Variants in ITPR2 observed in about 807,000 individuals in gnomAD.
The protein encoded by ITPR2 is inositol 1,4,5-trisphosphate receptor type 2.
In ITPR2, 207 loss-of-function variants were observed where a neutral mutation model predicts 317.1. The observed-to-expected ratio is 0.65, with a 90% CI of 0.58 to 0.73. ITPR2 has a LOEUF of 0.73. Among genes scored for constraint, ITPR2 ranks in the 30% least tolerant of loss-of-function variants. ITPR2 has a pLI of 0.00. For missense variants in ITPR2, 2,613 were observed against 3,284.0 expected (o/e 0.80, Z 4.99); for synonymous variants, 1,156 against 1,149.1 (o/e 1.01, Z -0.12).
At chr12:26,771,014 C>T (rs1949830409) in intron 2 of ITPR2, among the ~76,000 whole-genome samples, 1 of 152,144 alleles carries the variant, frequency 6.6e-6, no homozygotes, top group Non-Finnish European at 1.5e-5. Flanking sequence ...ATGTGGTCTT[C>T]TGTGTGCGCC....
intron 45 of ITPR2, among the ~76,000 whole-genome samples, chr12:26,449,353 G>A (rs184391474): frequency 3.9e-5 from 6 of 152,202 alleles, no homozygotes; most frequent in African/African-American, 1.4e-4. Flanking sequence ...AAGGCTTTAC[G>A]TATTCTAATG....
At chr12:26,450,792 C>T (rs1228691527) in intron 45 of ITPR2, among the ~76,000 whole-genome samples, 1 of 152,026 alleles carries the variant, frequency 6.6e-6, no homozygotes, top group Non-Finnish European at 1.5e-5. Context: ...GCACTCTTTT[C>T]TCAAAGAGGA....
chr12:26,594,159 A>G (rs1007191745), intron 32 of ITPR2, among the ~76,000 whole-genome samples: 6 of 152,200 alleles, frequency 3.9e-5, no homozygotes, highest in Admixed American at 2.0e-4. Context: ...CGATTTCTCT[A>G]CAGGTGCATA....
intron 55 of ITPR2, among the ~76,000 whole-genome samples, chr12:26,342,957 T>C (rs916342869): frequency 6.6e-6 from 1 of 152,036 alleles, no homozygotes; most frequent in African/African-American, 2.4e-5. Flanking sequence ...AGTGGATTAG[T>C]TCCCATGAGA....
chr12:26,588,576 G>A (rs984148133), intron 32 of ITPR2, among the ~76,000 whole-genome samples: 2 of 152,094 alleles, frequency 1.3e-5, no homozygotes, highest in African/African-American at 4.8e-5. Context: ...AGGAAAGTGT[G>A]TTTCAATGTG....
chr12:26,536,973 T>C (rs1331629282), intron 37 of ITPR2, among the ~76,000 whole-genome samples: 1 of 152,008 alleles, frequency 6.6e-6, no homozygotes. Flanking sequence ...CCCTGGAGGA[T>C]GAAGGAGAAA....
intron 10 of ITPR2, among the ~76,000 whole-genome samples, chr12:26,688,039 C>T (rs1474689190): frequency 6.6e-6 from 1 of 152,096 alleles, no homozygotes; most frequent in Non-Finnish European, 1.5e-5. Flanking sequence ...AATAATACTT[C>T]TGAATTTTTT....
chr12:26,711,157 T>A lies in ITPR2; in HGVS notation c.951+16A>T. 1 of 1,565,164 alleles carries A rather than the reference T, an allele frequency of 6.4e-7. No homozygotes were observed. Among genetic ancestry groups the A allele is most frequent in the Non-Finnish European group, 8.8e-7 (1 of 1,135,502 alleles). On this transcript the variant is annotated intron_variant, in intron 9 of 56. Coordinates refer to ENST00000381340, the MANE Select transcript of ITPR2 (RefSeq NM_002223.4). ...CAGAGTCAGAAACTTAATACCACTT[T>A]ATCCATTAGTCTTACCTCTGCAGCT...
chr12:26,546,183 T>C (rs933384682), intron 37 of ITPR2, among the ~76,000 whole-genome samples: 2 of 152,238 alleles, frequency 1.3e-5, no homozygotes, highest in African/African-American at 4.8e-5. Flanking sequence ...GTTACATGTA[T>C]ATAAATGTGT....
Position 26,695,581 on chromosome 12 carries a change from T to C in ITPR2, c.996+25A>G, listed in dbSNP as rs761352255. On this transcript the variant is annotated intron_variant, in intron 10 of 56. Transcript: ENST00000381340. The stretch of plus-strand genomic sequence containing the variant: ...AATAATAACAATATGCTGAGATTTG[T>C]TGGAGAAAAGCCAGTTCTACTCACC... 1.7e-5 allele frequency: 27 copies of C among 1,588,576 alleles called. No individual in the cohort carries two copies. In the South Asian group the frequency reaches 2.4e-4, roughly 14 times the overall value.
At chr12:26,415,877 A>G (rs1300882185) in intron 50 of ITPR2, among the ~76,000 whole-genome samples, 1 of 152,192 alleles carries the variant, frequency 6.6e-6, no homozygotes, top group Non-Finnish European at 1.5e-5. Flanking sequence ...GATATTCTGC[A>G]GTTACTTCTG....
chr12:26,748,741 C>T (rs1343698800), intron 2 of ITPR2, among the ~76,000 whole-genome samples: 1 of 152,108 alleles, frequency 6.6e-6, no homozygotes, highest in African/African-American at 2.4e-5. Context: ...TTCTAAAATA[C>T]CATTTCCTTC....
intron 55 of ITPR2, chr12:26,373,702 T>C (rs1475579901): frequency 6.6e-6 from 1 of 152,168 alleles, no homozygotes; most frequent in Admixed American, 6.5e-5. Context: ...TCAGAGGAGA[T>C]CGGTTGCATT....
At chr12:26,414,050 T>TATACACACACACAC (rs1555121665) in intron 51 of ITPR2, among the ~76,000 whole-genome samples, 3 of 138,208 alleles carry the variant, frequency 2.2e-5, no homozygotes, top group African/African-American at 8.4e-5. Context: ...TGTATATATG[T>TATACACACACACAC]ACACACACAC....
At chr12:26,438,369 GA>G (rs1469634240) in intron 47 of ITPR2, among the ~76,000 whole-genome samples, 3 of 150,244 alleles carry the variant, frequency 2.0e-5, no homozygotes, top group African/African-American at 7.5e-5. Flanking sequence ...AAATACTGTT[GA>G]ATAGAAGTAT....
At chr12:26,576,918 T>A (rs543587823) in intron 34 of ITPR2, among the ~76,000 whole-genome samples, 1 of 152,288 alleles carries the variant, frequency 6.6e-6, no homozygotes, top group East Asian at 1.9e-4. Flanking sequence ...TTGATGCTGT[T>A]ATGAGTGGAT....
chr12:26,722,627 T>A, intron 4 of ITPR2, 72 bp from the exon 5 acceptor site: 2 of 1,163,368 alleles, frequency 1.7e-6, no homozygotes, highest in Non-Finnish European at 2.5e-6. Context: ...ATATGTTTTA[T>A]ACATGTATCA....
intron 28 of ITPR2, 87 bp downstream of exon 28, chr12:26,602,283 G>C: frequency 1.4e-6 from 2 of 1,443,524 alleles, no homozygotes; most frequent in Non-Finnish European, 1.9e-6. Context: ...AAATAATTAA[G>C]AAAGAAAAAA....
intron 37 of ITPR2, among the ~76,000 whole-genome samples, chr12:26,510,004 G>GTGTGTGTGTGTGC (rs1555144482): frequency 8.9e-6 from 1 of 112,132 alleles, no homozygotes; most frequent in East Asian, 2.4e-4. Context: ...GTGTGTGTGT[G>GTGTGTGTGTGTGC]GTGGGGGGTG....
Sources: allele counts gnomAD v4.1 joint callset (sites outside exome capture counted in the v4.1 genomes callset), GRCh38; gene constraint gnomAD v4.1.1; transcripts MANE v1.5; gene names NCBI Gene and HGNC (gene_info 2026-07-23, HGNC 2026-07-21).